VWA8: variants seen among roughly 807,000 people sequenced by gnomAD.
VWA8 encodes the protein von Willebrand factor A domain-containing protein 8.
VWA8 carries 221 observed loss-of-function variants against 241.5 expected under a neutral mutation model. The observed-to-expected ratio is 0.91, with a 90% confidence interval of 0.82 to 1.02. The LOEUF (loss-of-function observed/expected upper bound fraction) is 1.02, where lower values mean the gene tolerates loss of function less well. Ranked by LOEUF, VWA8 falls within the 50% of genes least tolerant of loss-of-function variation. The probability of loss-of-function intolerance (pLI) is 0.00; values close to 1 mark genes in which losing one functional copy is unlikely to be tolerated. For missense variants in VWA8, 2,322 were observed against 2,328.7 expected (o/e 1.00, Z 0.06); for synonymous variants, 852 against 827.1 (o/e 1.03, Z -0.52).
At position 41,874,169 on chromosome 13, in the gene VWA8, T is replaced by C. The variant is rs1593835404; in HGVS notation, c.1081-5692A>G. ...CTAAAAACTCTCAATAAATTAGGTA[T>C]TGATGGGACGTATCTCAAAATAATA... On this transcript the variant is annotated intron_variant, in intron 9 of 44. Transcript: ENST00000379310. Among the ~76,000 whole-genome samples the C allele has an allele frequency of 6.6e-5, 10 of 151,548 alleles. No individual in the cohort carries two copies. In the South Asian group the frequency reaches 2.1e-3, roughly 32 times the overall value.
At position 41,956,614 on chromosome 13, in the gene VWA8, T is replaced by C. The variant is rs934347589; in HGVS notation, c.163+4239A>G. On this transcript the variant is annotated intron_variant, in intron 1 of 44. Coordinates refer to ENST00000379310, the MANE Select transcript of VWA8 (RefSeq NM_015058.2). Reference sequence around the variant, plus strand: ...AACCACAGTATAGTTCTTTCCTCTTTACACTGTATTTCTCAGTTGAAGCCA... The same window carrying C: ...AACCACAGTATAGTTCTTTCCTCTTCACACTGTATTTCTCAGTTGAAGCCA... Among the ~76,000 whole-genome samples, 19 of 152,346 alleles carry C rather than the reference T, an allele frequency of 1.2e-4. No homozygotes were observed. In the East Asian group the frequency reaches 2.1e-3, roughly 17 times the overall value.
chr13:41,854,730 G>A (rs2138034599), intron 12 of VWA8, among the ~76,000 whole-genome samples: 1 of 152,200 alleles, frequency 6.6e-6, no homozygotes, highest in South Asian at 2.1e-4. Flanking sequence ...TTACAGTACA[G>A]AATGATAAGT....
In VWA8 at chr13:41,684,994, G is replaced by A. The variant is rs934744778; in HGVS notation, c.4327+53C>T. 4.8e-6 allele frequency: 7 copies of A among 1,447,956 alleles called. No homozygotes were observed. In the African/African-American group the frequency reaches 1.0e-4, roughly 21 times the overall value. The allele number at this position is 1,447,956 out of a possible 1,614,324, so 89.7% of individuals were successfully genotyped here. On this transcript the variant is annotated intron_variant, in intron 35 of 44. Transcript: ENST00000379310. ...TAAATTAAATATCCTCTACCAAAAG[G>A]AAGCTACTTTAAACCACCTTTGTAA...
intron 24 of VWA8, among the ~76,000 whole-genome samples, chr13:41,724,471 C>A (rs909101911): frequency 3.9e-5 from 6 of 152,082 alleles, no homozygotes; most frequent in Non-Finnish European, 7.4e-5. Context: ...GAGGGCAGAA[C>A]AGCTAGAGCA....
chr13:41,927,196 G>T, intron 2 of VWA8: 1 of 464,706 alleles, frequency 2.2e-6, no homozygotes, highest in Non-Finnish European at 4.4e-6. Flanking sequence ...CCTGGAATAC[G>T]TACAGGCATG....
intron 21 of VWA8, among the ~76,000 whole-genome samples, chr13:41,743,203 C>T (rs575406127): frequency 1.3e-5 from 2 of 152,058 alleles, no homozygotes; most frequent in East Asian, 3.9e-4. Flanking sequence ...AGCAGAAGAG[C>T]AAGTAATCAA....
chr13:41,741,918 T>C (rs2045572163), intron 21 of VWA8, among the ~76,000 whole-genome samples: 1 of 152,172 alleles, frequency 6.6e-6, no homozygotes, highest in Non-Finnish European at 1.5e-5. Flanking sequence ...AGAAGGCAAT[T>C]AATCCTGATG....
At chr13:41,631,056 G>A (rs1017459709) in intron 37 of VWA8, among the ~76,000 whole-genome samples, 2 of 152,126 alleles carry the variant, frequency 1.3e-5, no homozygotes, top group African/African-American at 4.8e-5. Flanking sequence ...GTCTCACTCT[G>A]TCACTCAGGC....
At chr13:41,715,789 C>A (rs987580612) in intron 26 of VWA8, among the ~76,000 whole-genome samples, 1 of 151,966 alleles carries the variant, frequency 6.6e-6, no homozygotes. Context: ...TCTCTCCCTA[C>A]AATACTGACA....
intron 9 of VWA8, among the ~76,000 whole-genome samples, chr13:41,870,948 T>C (rs1873572141): frequency 6.6e-6 from 1 of 152,108 alleles, no homozygotes; most frequent in Non-Finnish European, 1.5e-5. Flanking sequence ...GCATGGAAAA[T>C]TTAGAGGATT....
intron 39 of VWA8, among the ~76,000 whole-genome samples, chr13:41,610,611 G>A (rs965071181): frequency 2.6e-5 from 4 of 152,220 alleles, no homozygotes; most frequent in Admixed American, 2.6e-4. Context: ...AGCATGTAAT[G>A]TAATACCAGA....
intron 4 of VWA8, among the ~76,000 whole-genome samples, chr13:41,898,255 C>A (rs1387037380): frequency 6.6e-6 from 1 of 152,118 alleles, no homozygotes; most frequent in Non-Finnish European, 1.5e-5. Flanking sequence ...CACTCACAAA[C>A]CCTGAGCTAG....
At chr13:41,744,999 G>C (rs560716570) in intron 21 of VWA8, among the ~76,000 whole-genome samples, 1 of 151,734 alleles carries the variant, frequency 6.6e-6, no homozygotes, top group Non-Finnish European at 1.5e-5. Context: ...CACCACGACC[G>C]GCTAATTTCT....
At chr13:41,890,799 T>C (rs1238104250) in intron 5 of VWA8, among the ~76,000 whole-genome samples, 8 of 152,162 alleles carry the variant, frequency 5.3e-5, no homozygotes, top group African/African-American at 9.7e-5. Context: ...GGTTAGAGCA[T>C]AGGAATGCCC....
intron 43 of VWA8, among the ~76,000 whole-genome samples, chr13:41,573,405 A>AAGAC (rs2044323869): frequency 6.9e-6 from 1 of 144,176 alleles, no homozygotes; most frequent in African/African-American, 2.6e-5. Flanking sequence ...GCAACGGAGC[A>AAGAC]AGACTCCATC....
At chr13:41,953,012 T>C (rs1878204482) in intron 1 of VWA8, among the ~76,000 whole-genome samples, 1 of 152,010 alleles carries the variant, frequency 6.6e-6, no homozygotes, top group African/African-American at 2.4e-5. Flanking sequence ...AGCAAACCCA[T>C]AATGGTGACC....
intron 37 of VWA8, among the ~76,000 whole-genome samples, chr13:41,640,523 A>G (rs145582064): frequency 9.8e-5 from 15 of 152,368 alleles, no homozygotes; most frequent in African/African-American, 3.1e-4. Flanking sequence ...AGAAAAAGCA[A>G]TCATTCAGAG....
intron 9 of VWA8, among the ~76,000 whole-genome samples, chr13:41,876,442 G>A: frequency 6.6e-6 from 1 of 151,974 alleles, no homozygotes; most frequent in Non-Finnish European, 1.5e-5. Flanking sequence ...GTGTGCTCCT[G>A]CCTCAGCGTT....
At chr13:41,621,582 G>A (rs1393162396) in intron 37 of VWA8, among the ~76,000 whole-genome samples, 3 of 152,108 alleles carry the variant, frequency 2.0e-5, no homozygotes, top group African/African-American at 7.2e-5. Context: ...AACCAGAAGA[G>A]GTATGAAAGG....
Sources: allele counts gnomAD v4.1 joint callset (sites outside exome capture counted in the v4.1 genomes callset), GRCh38; gene constraint gnomAD v4.1.1; transcripts MANE v1.5; gene names NCBI Gene and HGNC (gene_info 2026-07-23, HGNC 2026-07-21).